Variants in WT1 observed in about 807,000 individuals in gnomAD.
WT1 encodes Wilms tumor protein.
In WT1, 8 loss-of-function variants were observed where a neutral mutation model predicts 60.8. The observed-to-expected ratio is 0.13, with a 90% CI of 0.08 to 0.24. The LOEUF (loss-of-function observed/expected upper bound fraction) is 0.24, where lower values mean the gene tolerates loss of function less well. Among genes scored for constraint, WT1 ranks in the 10% least tolerant of loss-of-function variants. The probability of loss-of-function intolerance (pLI) is 1.00; values close to 1 mark genes in which losing one functional copy is unlikely to be tolerated. For synonymous variants in WT1, 312 were observed against 297.1 expected (o/e 1.05, Z -0.52); for missense variants, 568 against 711.8 (o/e 0.80, Z 2.30).
At chr11:32,423,039 C>A (rs1166025077) in intron 3 of WT1, among the ~76,000 whole-genome samples, 1 of 152,090 alleles carries the variant, frequency 6.6e-6, no homozygotes, top group African/African-American at 2.4e-5. Flanking sequence ...AGGAAGTCAG[C>A]AAAAAGATGA....
At chr11:32,414,872 C>CA (rs551997180) in intron 5 of WT1, among the ~76,000 whole-genome samples, 6,829 of 88,510 alleles carry the variant, frequency 0.077, 508 homozygotes, top group African/African-American at 0.22. Context: ...GACTCCATAT[C>CA]AAAAAAAAAA....
intron 5 of WT1, 129 bp downstream of exon 5, chr11:32,416,359 GGA>G: frequency 8.9e-7 from 1 of 1,122,548 alleles, no homozygotes; most frequent in Admixed American, 1.7e-5. Context: ...TGGGGGCGGG[GGA>G]GAGAGATTCT....
chr11:32,417,401 A>T (rs1852708762), intron 4 of WT1, 176 bp downstream of exon 4: 1 of 628,806 alleles, frequency 1.6e-6, no homozygotes, highest in Non-Finnish European at 2.8e-6. Flanking sequence ...GTTTTTGAAA[A>T]TTTAATACTG....
intron 5 of WT1, among the ~76,000 whole-genome samples, chr11:32,409,455 C>T (rs1029849270): frequency 1.6e-4 from 25 of 151,866 alleles, no homozygotes; most frequent in African/African-American, 6.0e-4. Flanking sequence ...AAAGAAAGCA[C>T]TTTTTCTTTA....
At chr11:32,391,301 A>G (rs1207589791) in intron 9 of WT1, among the ~76,000 whole-genome samples, 1 of 152,204 alleles carries the variant, frequency 6.6e-6, no homozygotes, top group Non-Finnish European at 1.5e-5. Flanking sequence ...TCTACTTACA[A>G]GCATGTTGTG....
chr11:32,410,286 A>C (rs887160064), intron 5 of WT1, among the ~76,000 whole-genome samples: 2 of 152,196 alleles, frequency 1.3e-5, no homozygotes, highest in Admixed American at 6.5e-5. Context: ...AGATACTTCT[A>C]TCTAAAGATA....
Position 32,388,898 on chromosome 11 carries a change from A to C in WT1, c.*160T>G. The C allele has an allele frequency of 7.5e-7, 1 of 1,333,136 alleles. No homozygotes were observed. Among genetic ancestry groups the C allele is most frequent in the Non-Finnish European group, 1.0e-6 (1 of 970,384 alleles). 82.6% of individuals were successfully genotyped at this position (1,333,136 alleles called of 1,614,324 possible). A position where few individuals can be genotyped will look rare whatever the true frequency, so the allele number is the denominator to read the frequency against. ...GGCAGAGACCAACTCTTCCAGGCACACCTGGTAGTTTCCAGAAGCACCGGT... is the reference window on the plus strand; with the variant it reads ...GGCAGAGACCAACTCTTCCAGGCACCCCTGGTAGTTTCCAGAAGCACCGGT... On this transcript the variant is annotated 3_prime_UTR_variant, in exon 10 of 10. Coordinates refer to ENST00000452863, the MANE Select transcript of WT1 (RefSeq NM_024426.6).
intron 3 of WT1, among the ~76,000 whole-genome samples, chr11:32,420,404 TA>T (rs1267922437): frequency 2.6e-5 from 4 of 152,210 alleles, no homozygotes; most frequent in African/African-American, 9.6e-5. Context: ...GTGAGGCCCA[TA>T]AAAGGTAATG....
In WT1 at chr11:32,430,665, T is replaced by C. The variant is rs536745067; in HGVS notation, c.662-2046A>G. 37 of 1,466,446 alleles carry C rather than the reference T, an allele frequency of 2.5e-5. No homozygotes were observed. The East Asian group carries it at 7.3e-4, about 29-fold the overall frequency. 90.8% of individuals were successfully genotyped at this position (1,466,446 alleles called of 1,614,324 possible). On this transcript the variant is annotated intron_variant, in intron 1 of 9. Coordinates refer to ENST00000452863, the MANE Select transcript of WT1 (RefSeq NM_024426.6). Reference sequence around the variant, plus strand: ...GCGGCACCCACTCTCGAGACGTCCGTCCGCACCCCAGAACTCGGGCCCAAG... The same window carrying C: ...GCGGCACCCACTCTCGAGACGTCCGCCCGCACCCCAGAACTCGGGCCCAAG...
At chr11:32,426,995 G>A (rs577493358) in intron 3 of WT1, among the ~76,000 whole-genome samples, 9 of 152,260 alleles carry the variant, frequency 5.9e-5, no homozygotes, top group African/African-American at 2.2e-4. Flanking sequence ...TTCCCTTGAC[G>A]TCAGCCCCGG....
intron 3 of WT1, among the ~76,000 whole-genome samples, chr11:32,417,911 G>C (rs1420430542): frequency 6.6e-6 from 1 of 152,124 alleles, no homozygotes; most frequent in Non-Finnish European, 1.5e-5. Context: ...AACTATTGAA[G>C]TTTCTAAAGA....
chr11:32,402,586 C>A (rs1301866153), intron 5 of WT1, among the ~76,000 whole-genome samples: 1 of 152,206 alleles, frequency 6.6e-6, no homozygotes, highest in Non-Finnish European at 1.5e-5. Context: ...TGCTCTATTG[C>A]CCAGGCTGGA....
rs1387576357 is a variant in WT1 at position 32,434,981 on chromosome 11, G to C, written c.380C>G (p.Pro127Arg). Residue 127 changes from proline (P) to arginine (R), a missense_variant, in exon 1 of 10, where the codon CCC becomes CGC. This residue lies in a region of WT1 where 523 missense variants were observed against 565.1 expected (regional missense o/e 0.93). Coordinates refer to ENST00000452863, the MANE Select transcript of WT1 (RefSeq NM_024426.6). ...TGGCGGCGGAGCCGGTGGCGGCGCGGGGCCGCCCAACGACCCGTAAGCCGA... is the reference window on the plus strand; with the variant it reads ...TGGCGGCGGAGCCGGTGGCGGCGCGCGGCCGCCCAACGACCCGTAAGCCGA... The C allele has an allele frequency of 1.3e-6, 2 of 1,518,450 alleles. No individual in the cohort carries two copies. Among genetic ancestry groups the C allele is most frequent in the African/African-American group, 2.8e-5 (2 of 71,832 alleles). The allele number at this position is 1,518,450 out of a possible 1,614,324, so 94.1% of individuals were successfully genotyped here. A position where few individuals can be genotyped will look rare whatever the true frequency, so the allele number is the denominator to read the frequency against.
At chr11:32,406,582 G>A (rs2132987378) in intron 5 of WT1, among the ~76,000 whole-genome samples, 1 of 151,986 alleles carries the variant, frequency 6.6e-6, no homozygotes, top group African/African-American at 2.4e-5. Context: ...GATGGAAATG[G>A]CTGCTTATGT....
In WT1 at chr11:32,435,403, C is replaced by G. The variant is rs890823020; in HGVS notation, c.-43G>C. On this transcript the variant is annotated 5_prime_UTR_variant, in exon 1 of 10. Transcript: ENST00000452863. ...GGCGGGGCCCGGGCGCCTGGGCTGC[C>G]GTCCCGGCTCTGGGTGGGTGGGTGG... 4 of 1,186,820 alleles carry G rather than the reference C, an allele frequency of 3.4e-6. No homozygotes were observed. The highest frequency in any genetic ancestry group is 1.3e-4 in the East Asian group (2 of 15,398). The allele number at this position is 1,186,820 out of a possible 1,614,324, so 73.5% of individuals were successfully genotyped here.
intron 5 of WT1, among the ~76,000 whole-genome samples, chr11:32,413,634 A>G (rs534120586): frequency 2.0e-5 from 3 of 152,380 alleles, no homozygotes; most frequent in Admixed American, 2.0e-4. Context: ...AATCTAGTAC[A>G]TCACAATCAG....
intron 6 of WT1, 129 bp from the exon 7 acceptor site, chr11:32,396,536 C>A: frequency 8.6e-7 from 1 of 1,158,098 alleles, no homozygotes; most frequent in East Asian, 2.5e-5. Flanking sequence ...AAACCACTCC[C>A]ATTCACACTC....
In WT1 at chr11:32,423,240, C is replaced by T. The variant is rs115507658; in HGVS notation, c.887+4716G>A. Among the ~76,000 whole-genome samples the T allele has an allele frequency of 6.1e-3, 926 of 152,352 alleles. 6 individuals are homozygous for T. Among genetic ancestry groups the T allele is most frequent in the African/African-American group, 0.021 (878 of 41,562 alleles). ...CAGGGTGGTCCTGGAAGCAGTCATT[C>T]TTTCTGGGTCTGGATGGACAGGGAG... On this transcript the variant is annotated intron_variant, in intron 3 of 9. Coordinates refer to ENST00000452863, the MANE Select transcript of WT1 (RefSeq NM_024426.6).
intron 3 of WT1, among the ~76,000 whole-genome samples, chr11:32,422,173 C>A (rs1418116554): frequency 9.9e-5 from 15 of 152,248 alleles, no homozygotes. Flanking sequence ...CTAGAAATTT[C>A]TGCCCAGCAG....
Sources: allele counts gnomAD v4.1 joint callset (sites outside exome capture counted in the v4.1 genomes callset), GRCh38; gene constraint gnomAD v4.1.1; regional missense constraint gnomAD v4.1.1; transcripts MANE v1.5; gene names NCBI Gene and HGNC (gene_info 2026-07-23, HGNC 2026-07-21).